Variants in LRP1B observed in about 807,000 individuals in gnomAD.
LRP1B encodes low-density lipoprotein receptor-related protein 1B.
LRP1B carries 217 observed loss-of-function variants against 556.6 expected under a neutral mutation model. That is an observed-to-expected ratio of 0.39 (90% CI 0.35 to 0.44). The LOEUF is 0.44. Ranked by LOEUF, LRP1B falls within the 20% of genes least tolerant of loss-of-function variation. The pLI is 1.00. For synonymous variants in LRP1B, 2,047 were observed against 1,865.8 expected (o/e 1.10, Z -2.50); for missense variants, 5,053 against 5,620.8 (o/e 0.90, Z 3.23).
chr2:141,133,018 C>G (rs1321622513), intron 7 of LRP1B, among the ~76,000 whole-genome samples: 1 of 151,970 alleles, frequency 6.6e-6, no homozygotes, highest in Non-Finnish European at 1.5e-5. Context: ...TTTTATTCCA[C>G]TAACATTTTT....
At chr2:142,128,409 G>A (rs1707732496) in intron 1 of LRP1B, among the ~76,000 whole-genome samples, 1 of 152,160 alleles carries the variant, frequency 6.6e-6, no homozygotes, top group South Asian at 2.1e-4. Context: ...ATTGACATAA[G>A]CCTGTGCAGA....
intron 7 of LRP1B, among the ~76,000 whole-genome samples, chr2:141,158,778 C>T (rs951089099): frequency 3.9e-5 from 6 of 152,046 alleles, no homozygotes; most frequent in Non-Finnish European, 8.8e-5. Context: ...GAGAACATTA[C>T]AAGTAGCATT....
chr2:140,991,172 T>C (rs536055472), intron 16 of LRP1B, among the ~76,000 whole-genome samples: 7 of 152,270 alleles, frequency 4.6e-5, no homozygotes, highest in Admixed American at 3.9e-4. Context: ...TCATCTGATG[T>C]ATTAGAGAGC....
intron 18 of LRP1B, among the ~76,000 whole-genome samples, chr2:140,959,435 A>G (rs959381242): frequency 5.3e-5 from 8 of 151,646 alleles, no homozygotes; most frequent in Non-Finnish European, 1.2e-4. Context: ...GAATAAACTC[A>G]TATCTAACAA....
chr2:141,477,462 C>A (rs914278102), intron 3 of LRP1B, among the ~76,000 whole-genome samples: 1 of 152,036 alleles, frequency 6.6e-6, no homozygotes, highest in Non-Finnish European at 1.5e-5. Flanking sequence ...TCAGGTGTGA[C>A]CACAAATTAG....
chr2:140,986,801 T>C (rs1696940389), intron 17 of LRP1B, among the ~76,000 whole-genome samples: 1 of 152,194 alleles, frequency 6.6e-6, no homozygotes, highest in Non-Finnish European at 1.5e-5. Flanking sequence ...ACCAGTGCTT[T>C]GGTAGATATT....
intron 2 of LRP1B, among the ~76,000 whole-genome samples, chr2:141,794,140 C>T (rs1558879556): frequency 6.6e-6 from 1 of 151,806 alleles, no homozygotes; most frequent in Non-Finnish European, 1.5e-5. Flanking sequence ...AGTAACTTTT[C>T]CCCCCACATC....
At chr2:141,974,099 G>GA (rs1032690556) in intron 1 of LRP1B, among the ~76,000 whole-genome samples, 2 of 151,876 alleles carry the variant, frequency 1.3e-5, no homozygotes, top group Non-Finnish European at 2.9e-5. Flanking sequence ...GTATGATACT[G>GA]AAAAAGAGTC....
Position 141,553,484 on chromosome 2 carries a change from T to C in LRP1B, c.206-72951A>G, listed in dbSNP as rs572749430. Among the ~76,000 whole-genome samples the C allele has an allele frequency of 2.0e-3, 298 of 151,610 alleles. 3 individuals carry two copies. The highest frequency in any genetic ancestry group is 7.0e-3 in the African/African-American group (290 of 41,416). ...ATACTGGACAAATTATCCCAAATTT[T>C]TTCTCGGTCAACAGGCAAACATCTG... On this transcript the variant is annotated intron_variant, in intron 2 of 90. Transcript: ENST00000389484.
At chr2:140,587,609 A>G (rs1197108895) in intron 43 of LRP1B, among the ~76,000 whole-genome samples, 1 of 152,186 alleles carries the variant, frequency 6.6e-6, no homozygotes, top group East Asian at 1.9e-4. Flanking sequence ...GTCAAAGGAT[A>G]CAAATTTCCA....
At chr2:140,562,343 T>C (rs945795571) in intron 43 of LRP1B, among the ~76,000 whole-genome samples, 2 of 152,196 alleles carry the variant, frequency 1.3e-5, no homozygotes, top group Admixed American at 6.5e-5. Flanking sequence ...TTTCTTTTTG[T>C]TTACACTAAC....
intron 43 of LRP1B, among the ~76,000 whole-genome samples, chr2:140,558,516 T>C (rs1427357550): frequency 6.6e-6 from 1 of 152,146 alleles, no homozygotes; most frequent in Non-Finnish European, 1.5e-5. Context: ...TATTATATGA[T>C]TTAATTTGTA....
intron 2 of LRP1B, among the ~76,000 whole-genome samples, chr2:141,655,744 T>G (rs1689981264): frequency 6.6e-6 from 1 of 152,094 alleles, no homozygotes; most frequent in Admixed American, 6.6e-5. Flanking sequence ...TGCCATTTAA[T>G]TGCTGGAGAT....
intron 47 of LRP1B, among the ~76,000 whole-genome samples, chr2:140,532,066 G>A (rs140367208): frequency 2.4e-4 from 36 of 152,084 alleles, no homozygotes; most frequent in African/African-American, 8.4e-4. Context: ...TATTACCTGA[G>A]TTCCAAATCT....
At chr2:140,613,656 G>A (rs886395047) in intron 41 of LRP1B, among the ~76,000 whole-genome samples, 16 of 151,312 alleles carry the variant, frequency 1.1e-4, no homozygotes, top group African/African-American at 3.9e-4. Context: ...CTCAGACAAA[G>A]GACTTAATCC....
At chr2:141,740,195 A>G (rs1455329508) in intron 2 of LRP1B, among the ~76,000 whole-genome samples, 1 of 152,088 alleles carries the variant, frequency 6.6e-6, no homozygotes, top group African/African-American at 2.4e-5. Context: ...TTATATTTTT[A>G]TTTCAATAAG....
At chr2:142,094,391 A>T (rs1160125209) in intron 1 of LRP1B, among the ~76,000 whole-genome samples, 6 of 152,076 alleles carry the variant, frequency 3.9e-5, no homozygotes, top group Admixed American at 3.9e-4. Flanking sequence ...TAAGACGGTA[A>T]TGGATTATGC....
intron 40 of LRP1B, among the ~76,000 whole-genome samples, chr2:140,701,016 A>G (rs915157874): frequency 6.6e-6 from 1 of 152,138 alleles, no homozygotes; most frequent in African/African-American, 2.4e-5. Context: ...TATGGAAAGC[A>G]TCAAAGAAAT....
chr2:140,876,140 A>G (rs75907213), intron 25 of LRP1B, among the ~76,000 whole-genome samples: 5,967 of 152,260 alleles, frequency 0.039, 182 homozygotes, highest in South Asian at 0.094. Flanking sequence ...GTTTATGAGT[A>G]TCAAGCAGAA....
Sources: allele counts gnomAD v4.1 joint callset (sites outside exome capture counted in the v4.1 genomes callset), GRCh38; gene constraint gnomAD v4.1.1; transcripts MANE v1.5; gene names NCBI Gene and HGNC (gene_info 2026-07-23, HGNC 2026-07-21).